GALNT9: variants seen among roughly 807,000 people sequenced by gnomAD.
GALNT9 encodes the protein GalNAc transferase 9.
In GALNT9, 47 loss-of-function variants were observed where a neutral mutation model predicts 63.1. The ratio of observed to expected loss-of-function variants is 0.75; its 90% CI spans 0.59 to 0.95. The LOEUF (loss-of-function observed/expected upper bound fraction) is 0.95. GALNT9 is among the 40% of genes least tolerant of loss of function. The pLI is 0.00. For missense variants in GALNT9, 829 were observed against 874.8 expected (o/e 0.95, Z 0.66); for synonymous variants, 396 against 365.7 (o/e 1.08, Z -0.94).
chr12:132,202,736 A>G (rs114975787), intron 7 of GALNT9, among the ~76,000 whole-genome samples: 2,582 of 152,114 alleles, frequency 0.017, 84 homozygotes, highest in African/African-American at 0.058. Flanking sequence ...TGGCCAGGGA[A>G]GGAAGGGGGT....
intron 1 of GALNT9, among the ~76,000 whole-genome samples, chr12:132,323,017 C>G (rs916465634): frequency 6.6e-6 from 1 of 152,222 alleles, no homozygotes; most frequent in African/African-American, 2.4e-5. Flanking sequence ...CAGCGCCTCC[C>G]GGCTTCTCCA....
At chr12:132,294,482 T>G (rs1456081917) in intron 1 of GALNT9, among the ~76,000 whole-genome samples, 2 of 152,204 alleles carry the variant, frequency 1.3e-5, no homozygotes, top group Admixed American at 6.5e-5. Flanking sequence ...GGAGCTCTGG[T>G]GACCTCCGGG....
Position 132,320,491 on chromosome 12 carries a change from G to A in GALNT9, c.238+8475C>T, listed in dbSNP as rs1225212832. Among the ~76,000 whole-genome samples, 8 of 152,190 alleles carry A rather than the reference G, an allele frequency of 5.3e-5. No homozygotes were observed. The East Asian group carries it at 7.7e-4, about 15-fold the overall frequency. On this transcript the variant is annotated intron_variant, in intron 1 of 10. Transcript: ENST00000328957. Reference sequence around the variant, plus strand: ...CTCATCTTTTAAGTTAAATTAATTCGTTTCTTAAATAAGTGATGGATTGGC... The same window carrying A: ...CTCATCTTTTAAGTTAAATTAATTCATTTCTTAAATAAGTGATGGATTGGC...
rs73166886 is a variant in GALNT9, at chr12:132,245,020, G to A, written c.1077+2890C>T. ...GGGGGAGAGGTGGCAGGGAGGGCAG[G>A]GAGGTCAGGGAGTGGAGTAAACGCT... is the stretch of plus-strand genomic sequence containing the variant. On this transcript the variant is annotated intron_variant, in intron 6 of 10. Coordinates refer to ENST00000328957, the MANE Select transcript of GALNT9 (RefSeq NM_001122636.2). This position sits in a 1 kb window ranked among gnomAD's most constrained non-coding sequence, Gnocchi z 6.3. Among the ~76,000 whole-genome samples the A allele has an allele frequency of 0.14, 20,659 of 151,752 alleles. 1,523 individuals are homozygous for A. Among genetic ancestry groups the A allele is most frequent in the Middle Eastern group, 0.21 (63 of 294 alleles).
At chr12:132,250,920 G>C (rs1483676463) in intron 5 of GALNT9, among the ~76,000 whole-genome samples, 2 of 152,212 alleles carry the variant, frequency 1.3e-5, no homozygotes, top group Non-Finnish European at 2.9e-5. Flanking sequence ...GCCTGCACAC[G>C]TGCACAGGGA....
chr12:132,317,923 A>G (rs1481916835), intron 1 of GALNT9, among the ~76,000 whole-genome samples: 1 of 152,176 alleles, frequency 6.6e-6, no homozygotes, highest in Non-Finnish European at 1.5e-5. Context: ...TTCAAAGAAC[A>G]ATTGCACTTG....
At chr12:132,305,475 A>G (rs1326380680) in intron 1 of GALNT9, among the ~76,000 whole-genome samples, 4 of 62,534 alleles carry the variant, frequency 6.4e-5, no homozygotes, top group Non-Finnish European at 8.7e-5. Context: ...GCACACCCTC[A>G]CCCGGGCACA....
At chr12:132,202,594 G>A (rs1876242854) in intron 7 of GALNT9, among the ~76,000 whole-genome samples, 1 of 151,966 alleles carries the variant, frequency 6.6e-6, no homozygotes, top group Non-Finnish European at 1.5e-5. Context: ...ACAAAGCGCT[G>A]TATGTGGACA....
chr12:132,291,943 C>G (rs552520033), intron 1 of GALNT9, among the ~76,000 whole-genome samples: 94 of 152,332 alleles, frequency 6.2e-4, no homozygotes, highest in African/African-American at 2.1e-3. Flanking sequence ...CTGTGGCCCC[C>G]CCAGCCCCTG....
At chr12:132,312,679 C>G (rs1417516399) in intron 1 of GALNT9, among the ~76,000 whole-genome samples, 1 of 152,350 alleles carries the variant, frequency 6.6e-6, no homozygotes, top group Admixed American at 6.5e-5. Context: ...AACCCACACA[C>G]GGAGGATGGG....
chr12:132,225,621 CACACAACCCACACCCCACACACTGTATAT>C (rs1425921328), intron 6 of GALNT9, among the ~76,000 whole-genome samples: 1 of 148,514 alleles, frequency 6.7e-6, no homozygotes, highest in African/African-American at 2.5e-5. Context: ...ACATGCACAT[CACACAACCCACACCCCACACACTGTATAT>C]ACACACCCCA....
intron 5 of GALNT9, among the ~76,000 whole-genome samples, chr12:132,248,555 C>T (rs1334186021): frequency 2.6e-5 from 4 of 152,224 alleles, no homozygotes; most frequent in Admixed American, 6.5e-5. Flanking sequence ...GAGTGAGTCA[C>T]TTGCCCGCCT....
chr12:132,197,288 A>T (rs756061035), intron 10 of GALNT9, 35 bp from the exon 11 acceptor site: 2 of 1,603,814 alleles, frequency 1.2e-6, no homozygotes, highest in Non-Finnish European at 1.7e-6. Flanking sequence ...AGCCAGGTGC[A>T]GGCGTCCTTG....
Position 132,197,111 on chromosome 12 carries a change from T to G in GALNT9, c.1808A>C (p.His603Pro), listed in dbSNP as rs368883972. The G allele has an allele frequency of 1.1e-4, 183 of 1,614,004 alleles. 1 individual carries two copies. The highest frequency in any genetic ancestry group is 1.5e-4 in the Non-Finnish European group (175 of 1,179,988). ...GGGGTCCGGGCGGAGGTGGGGTCAG[T>G]GCCGTGCGTGTTTGATCCAGTTTCT... ...MIRNWIKHAR[H>P] The change falls in exon 11 of 11, where the codon CAC becomes CCC. Residue 603 changes from histidine (H) to proline (P), a missense_variant. Coordinates refer to ENST00000328957, the MANE Select transcript of GALNT9 (RefSeq NM_001122636.2).
Position 132,196,927 on chromosome 12 carries a change from C to G in GALNT9, c.*180G>C. The G allele has an allele frequency of 6.9e-7, 1 of 1,439,056 alleles. No homozygotes were observed. The highest frequency in any genetic ancestry group is 1.4e-5 in the African/African-American group (1 of 69,766). The allele number at this position is 1,439,056 out of a possible 1,614,324, so 89.1% of individuals were successfully genotyped here. ...CGCCTGTCCTAGGAGAAGCTGTACT[C>G]CAGATGCAGTGGGTGACACCCTGGT... On this transcript the variant is annotated 3_prime_UTR_variant, in exon 11 of 11. Transcript: ENST00000328957.
intron 1 of GALNT9, among the ~76,000 whole-genome samples, chr12:132,311,739 G>A (rs929272505): frequency 2.6e-5 from 4 of 152,032 alleles, no homozygotes; most frequent in Non-Finnish European, 5.9e-5. Context: ...TTGTAGTGAG[G>A]GAACCAGCAG....
intron 1 of GALNT9, among the ~76,000 whole-genome samples, chr12:132,324,145 A>T (rs1274688839): frequency 6.6e-6 from 1 of 152,188 alleles, no homozygotes; most frequent in African/African-American, 2.4e-5. Flanking sequence ...GCGTTTCCAA[A>T]ATGGAAACGC....
intron 2 of GALNT9, among the ~76,000 whole-genome samples, chr12:132,281,138 G>A (rs1471474289): frequency 6.6e-6 from 1 of 152,258 alleles, no homozygotes; most frequent in Non-Finnish European, 1.5e-5. Context: ...CCGGGATAGG[G>A]TCTCTCCACC....
intron 1 of GALNT9, among the ~76,000 whole-genome samples, chr12:132,287,138 G>T (rs1403335853): frequency 7.3e-6 from 1 of 137,400 alleles, no homozygotes; most frequent in Non-Finnish European, 1.5e-5. Context: ...CGGTGACACA[G>T]TCACACTCAC....
Sources: allele counts gnomAD v4.1 joint callset (sites outside exome capture counted in the v4.1 genomes callset), GRCh38; gene constraint gnomAD v4.1.1; non-coding constraint Gnocchi (gnomAD v3.1); transcripts MANE v1.5; gene names NCBI Gene and HGNC (gene_info 2026-07-23, HGNC 2026-07-21).